The following SKAP2 variants were observed in gnomAD, a reference collection of about 807,000 sequenced individuals.
The protein encoded by SKAP2 is src kinase-associated phosphoprotein 2.
In SKAP2, 28 loss-of-function variants were observed where a neutral mutation model predicts 54.9. That is an observed-to-expected ratio of 0.51 (90% CI 0.38 to 0.70). The LOEUF is 0.70. SKAP2 is among the 30% of genes least tolerant of loss of function. The pLI, the probability that SKAP2 is intolerant of heterozygous loss-of-function variation, is 0.00. For missense variants in SKAP2, 356 were observed against 424.1 expected, an observed-to-expected ratio of 0.84 and a Z score of 1.41; for synonymous variants, 137 against 134.3, an observed-to-expected ratio of 1.02 and a Z score of -0.14.
At chr7:26,827,265 T>TA (rs1019615361) in intron 4 of SKAP2, among the ~76,000 whole-genome samples, 117 of 152,306 alleles carry the variant, frequency 7.7e-4, no homozygotes, top group African/African-American at 2.7e-3. Context: ...ACATAGTCTT[T>TA]AAATATGGCA....
At chr7:26,853,278 C>T (rs956773055) in intron 3 of SKAP2, among the ~76,000 whole-genome samples, 9 of 152,180 alleles carry the variant, frequency 5.9e-5, no homozygotes, top group Non-Finnish European at 1.2e-4. Context: ...AGATGCCATA[C>T]TGTGTGTCTT....
intron 9 of SKAP2, among the ~76,000 whole-genome samples, chr7:26,715,138 T>C (rs1584347270): frequency 6.6e-6 from 1 of 152,324 alleles, no homozygotes. Context: ...TTTTTCTTTT[T>C]TCTTTACAAA....
In SKAP2 at chr7:26,765,342, G is replaced by A. The variant is rs12669472; in HGVS notation, c.308-25378C>T. On this transcript the variant is annotated intron_variant, in intron 4 of 12. Coordinates refer to ENST00000345317, the MANE Select transcript of SKAP2 (RefSeq NM_003930.5). ...TGATGTTTTTTTTTCTTGTAAATTTGTTTAAGTTCCTTGTGGATTCCGGAT... is the reference window on the plus strand; with the variant it reads ...TGATGTTTTTTTTTCTTGTAAATTTATTTAAGTTCCTTGTGGATTCCGGAT... Among the ~76,000 whole-genome samples, 26 of 151,900 alleles carry A rather than the reference G, an allele frequency of 1.7e-4. No homozygotes were observed. The East Asian group carries it at 4.8e-3, about 28-fold the overall frequency.
intron 4 of SKAP2, among the ~76,000 whole-genome samples, chr7:26,748,604 A>C (rs10486476): frequency 0.048 from 7,369 of 152,182 alleles, 606 homozygotes; most frequent in African/African-American, 0.17. Flanking sequence ...TAGCAAGTAA[A>C]ACATTAAATT....
chr7:26,814,072 T>C (rs1349985590), intron 4 of SKAP2, among the ~76,000 whole-genome samples: 1 of 152,200 alleles, frequency 6.6e-6, no homozygotes, highest in Non-Finnish European at 1.5e-5. Flanking sequence ...CAAACGATGC[T>C]ACTCTATAAA....
At chr7:26,663,173 C>T (rs939247862), downstream of SKAP2, among the ~76,000 whole-genome samples, 1 of 152,018 alleles carries the variant, frequency 6.6e-6, no homozygotes, top group Non-Finnish European at 1.5e-5. Context: ...AATCAAATAC[C>T]CTTTGAAAAT....
intron 6 of SKAP2, among the ~76,000 whole-genome samples, chr7:26,729,479 T>C (rs997606833): frequency 6.6e-6 from 1 of 151,862 alleles, no homozygotes; most frequent in Non-Finnish European, 1.5e-5. Flanking sequence ...CTGAAAGAGA[T>C]GAAAGATGAA....
intron 9 of SKAP2, among the ~76,000 whole-genome samples, chr7:26,712,856 T>C (rs1437736327): frequency 1.3e-5 from 2 of 152,192 alleles, no homozygotes; most frequent in African/African-American, 2.4e-5. Flanking sequence ...AGGTATAAAG[T>C]TGTCCAGGGA....
intron 9 of SKAP2, among the ~76,000 whole-genome samples, chr7:26,696,937 T>A (rs1646395685): frequency 1.3e-5 from 2 of 151,970 alleles, no homozygotes. Context: ...AAAATACCCA[T>A]ACACACACAA....
intron 9 of SKAP2, 141 bp downstream of exon 9, chr7:26,725,287 T>C (rs370486377): frequency 5.7e-6 from 3 of 527,572 alleles, no homozygotes; most frequent in Non-Finnish European, 9.7e-6. Context: ...GTTTTGAAGA[T>C]ATTCTTTGTC....
At position 26,758,076 on chromosome 7, in the gene SKAP2, T is replaced by A. The variant is rs535462342; in HGVS notation, c.308-18112A>T. ...GCATCCAGCATGATACACTATTTTT[T>A]AAAATTTAAGAAATATCTGGTTCCA... is the stretch of plus-strand genomic sequence containing the variant. On this transcript the variant is annotated intron_variant, in intron 4 of 12. Transcript: ENST00000345317. Among the ~76,000 whole-genome samples, 3 of 152,342 alleles carry A rather than the reference T, an allele frequency of 2.0e-5. No homozygotes were observed. The East Asian group carries it at 5.8e-4, about 29-fold the overall frequency.
chr7:26,684,844 A>C lies in SKAP2; in HGVS notation c.879T>G (p.Asp293Glu), dbSNP rs912535651. The change falls in exon 11 of 13, where the codon GAT becomes GAG. Residue 293 changes from aspartate to glutamate, a missense_variant. By Grantham distance (45) the Asp-to-Glu change is conservative (BLOSUM62 2). Coordinates refer to ENST00000345317, the MANE Select transcript of SKAP2 (RefSeq NM_003930.5). ...SQDSVHHTSG[D>E]KSTDYANFYQ... is the part of the protein sequence containing the mutation. ...AAAAATTAGCATAATCAGTGCTCTTATCCCCTAGGAAGAAGAAAGAGAAAG... is the reference window on the plus strand; with the variant it reads ...AAAAATTAGCATAATCAGTGCTCTTCTCCCCTAGGAAGAAGAAAGAGAAAG... The C allele has an allele frequency of 3.8e-6, 6 of 1,587,048 alleles. No individual in the cohort carries two copies. The South Asian group carries it at 6.7e-5, about 18-fold the overall frequency.
intron 4 of SKAP2, among the ~76,000 whole-genome samples, chr7:26,797,583 CCAAA>C (rs1022153243): frequency 2.9e-4 from 44 of 151,926 alleles, no homozygotes; most frequent in African/African-American, 1.0e-3. Flanking sequence ...ATAAATAAGC[CCAAA>C]CAGTGAAGAC....
At chr7:26,823,422 T>C in intron 4 of SKAP2, among the ~76,000 whole-genome samples, 1 of 57,298 alleles carries the variant, frequency 1.7e-5, no homozygotes, top group Admixed American at 2.4e-4. Flanking sequence ...TGAGACTTTG[T>C]CTCAAAAAAA....
intron 4 of SKAP2, among the ~76,000 whole-genome samples, chr7:26,805,023 T>C (rs557391380): frequency 7.3e-4 from 111 of 152,234 alleles, no homozygotes; most frequent in Non-Finnish European, 1.3e-3. Context: ...AGAAAATGTC[T>C]CTAGACAGAT....
Position 26,690,380 on chromosome 7 carries a change from C to T in SKAP2, c.797-18G>A, listed in dbSNP as rs1311097404. 1.3e-6 allele frequency: 2 copies of T among 1,550,132 alleles called. No individual in the cohort carries two copies. Among genetic ancestry groups the T allele is most frequent in the South Asian group, 1.1e-5 (1 of 89,760 alleles). The stretch of plus-strand genomic sequence containing the variant: ...TTCTTCTTCTGTAAATAAACATTAT[C>T]AATGGCACATTGAAGGGTTTTCTCA... On this transcript the variant is annotated intron_variant, in intron 9 of 12. Transcript: ENST00000345317.
At chr7:26,739,813 A>C in intron 5 of SKAP2, 74 bp downstream of exon 5, 1 of 1,031,352 alleles carries the variant, frequency 9.7e-7, no homozygotes, top group Middle Eastern at 2.2e-4. Context: ...TACTGCCTCC[A>C]CATGTATACT....
intron 4 of SKAP2, among the ~76,000 whole-genome samples, chr7:26,771,910 G>C (rs530637575): frequency 2.9e-4 from 44 of 152,252 alleles, no homozygotes; most frequent in African/African-American, 1.0e-3. Flanking sequence ...GACATAGGCA[G>C]GTATGGGCAC....
chr7:26,798,707 G>C (rs1165517670), intron 4 of SKAP2, among the ~76,000 whole-genome samples: 3 of 152,042 alleles, frequency 2.0e-5, no homozygotes, highest in African/African-American at 7.2e-5. Context: ...TACTTTTCAA[G>C]ACACAGTCAA....
Sources: gnomAD v4.1 joint callset for allele counts (sites outside exome capture counted in the v4.1 genomes callset) on GRCh38, gnomAD v4.1.1 for gene constraint, MANE v1.5 for transcripts, NCBI Gene and HGNC (gene_info 2026-07-23, HGNC 2026-07-21) for gene names.